RP1: variants seen among roughly 807,000 people sequenced by gnomAD.
The protein encoded by RP1 is RP1 axonemal microtubule associated.
A neutral mutation model predicts 14.8 loss-of-function variants in RP1; 16 were observed. The ratio of observed to expected loss-of-function variants is 1.08; its 90% CI spans 0.73 to 1.65. The LOEUF is 1.65. Among genes scored for constraint, RP1 ranks in the 40% most tolerant of loss-of-function variants. The probability of loss-of-function intolerance (pLI) is 0.00; values close to 1 mark genes in which losing one functional copy is unlikely to be tolerated. For synonymous variants in RP1, 876 were observed against 883.6 expected, an observed-to-expected ratio of 0.99 and a Z score of 0.15; for missense variants, 2,631 against 2,535.0, an observed-to-expected ratio of 1.04 and a Z score of -0.81.
At chr8:54,643,419 GC>G (rs1233706575) in intron 3 of RP1, among the ~76,000 whole-genome samples, 1 of 152,130 alleles carries the variant, frequency 6.6e-6, no homozygotes, top group East Asian at 1.9e-4. Flanking sequence ...AAATAAGCTT[GC>G]CTTTTTCTAG....
At chr8:54,716,413 A>G (rs1037487825) in intron 15 of RP1, among the ~76,000 whole-genome samples, 1 of 151,320 alleles carries the variant, frequency 6.6e-6, no homozygotes, top group Non-Finnish European at 1.5e-5. Context: ...ACAAAGACTT[A>G]AAAAAAAATC....
intron 15 of RP1, among the ~76,000 whole-genome samples, chr8:54,719,449 T>C (rs908137589): frequency 5.9e-5 from 9 of 152,214 alleles, no homozygotes; most frequent in Admixed American, 2.0e-4. Context: ...CTAGTTGCTA[T>C]TGGAAATTTT....
At chr8:54,712,934 G>A (rs1025351356) in intron 15 of RP1, among the ~76,000 whole-genome samples, 8 of 152,178 alleles carry the variant, frequency 5.3e-5, no homozygotes, top group East Asian at 1.9e-4. Context: ...CCTAGTTTGC[G>A]TATGTTTAGA....
At chr8:54,572,765 A>G (rs1321099903) in intron 1 of RP1, among the ~76,000 whole-genome samples, 1 of 152,178 alleles carries the variant, frequency 6.6e-6, no homozygotes, top group Non-Finnish European at 1.5e-5. Context: ...CACACAGGAC[A>G]TGGGACCTTT....
intron 17 of RP1, among the ~76,000 whole-genome samples, chr8:54,730,724 C>G (rs982136028): frequency 6.6e-6 from 1 of 151,960 alleles, no homozygotes; most frequent in Non-Finnish European, 1.5e-5. Flanking sequence ...GTTAGGATGC[C>G]TTTGATTATG....
intron 15 of RP1, among the ~76,000 whole-genome samples, chr8:54,715,899 G>A (rs1408865727): frequency 6.6e-6 from 1 of 152,186 alleles, no homozygotes; most frequent in African/African-American, 2.4e-5. Flanking sequence ...AACGTAAACA[G>A]ACAAATACGC....
chr8:54,604,351 T>G (rs1445776062), intron 1 of RP1, among the ~76,000 whole-genome samples: 2 of 152,124 alleles, frequency 1.3e-5, no homozygotes, highest in African/African-American at 4.8e-5. Flanking sequence ...TATTGATTTG[T>G]GTATGTTGAA....
chr8:54,629,252 T>C lies in RP1; in HGVS notation c.5370T>C (p.Asn1790=), dbSNP rs2129318150. ...SSEVPYSHFG[N]LAPGPTMDEL... ...AGGTACCATATTCACATTTTGGTAA[T>C]TTGGCCCCAGGCCCAACGATGGATG... is the stretch of plus-strand genomic sequence containing the variant. The change falls in exon 4 of 4, where the codon AAT becomes AAC. Residue 1790 remains asparagine (N), a synonymous_variant. Transcript: ENST00000220676. The C allele has an allele frequency of 6.2e-7, 1 of 1,613,968 alleles. No homozygotes were observed. Among genetic ancestry groups the C allele is most frequent in the Non-Finnish European group, 8.5e-7 (1 of 1,179,898 alleles).
At chr8:54,778,682 G>A (rs1366161533) in intron 23 of RP1, among the ~76,000 whole-genome samples, 2 of 152,104 alleles carry the variant, frequency 1.3e-5, no homozygotes, top group Non-Finnish European at 2.9e-5. Context: ...AGTGAGAGGA[G>A]AGAGGTGAAA....
rs148371378 is a variant in RP1, at chr8:54,853,925, GGA to G, written c.3990+1208_3990+1209del. On this transcript the variant is annotated intron_variant, in intron 26 of 28. Coordinates refer to the RP1 transcript ENST00000637698. ...GAAAGAAAGAGAAAAAAGAAAAAAG[GGA>G]GAGAGAGAGAAAGGAAGGAAGGAAG... Among the ~76,000 whole-genome samples, 478 of 140,890 alleles carry G rather than the reference GGA, an allele frequency of 3.4e-3. 1 individual carries two copies. Among genetic ancestry groups the G allele is most frequent in the Non-Finnish European group, 5.3e-3 (339 of 64,516 alleles). 92.4% of individuals were successfully genotyped at this position (140,890 alleles called of 152,430 possible).
At chr8:54,689,418 A>G (rs574253692) in intron 12 of RP1, among the ~76,000 whole-genome samples, 112 of 152,090 alleles carry the variant, frequency 7.4e-4, no homozygotes, top group Non-Finnish European at 1.0e-3. Flanking sequence ...GGGCCTGACA[A>G]TTTAAAGGGA....
chr8:54,830,808 A>G (rs1811501114), intron 24 of RP1, among the ~76,000 whole-genome samples: 1 of 152,102 alleles, frequency 6.6e-6, no homozygotes, highest in Non-Finnish European at 1.5e-5. Context: ...TAGTTCCAAA[A>G]CATTTTCATC....
chr8:54,631,761 AG>A, downstream of RP1, among the ~76,000 whole-genome samples: 1 of 152,110 alleles, frequency 6.6e-6, no homozygotes, highest in Non-Finnish European at 1.5e-5. Context: ...CAGCTTCTCA[AG>A]TAGGTGGGAC....
intron 1 of RP1, among the ~76,000 whole-genome samples, chr8:54,565,305 C>T (rs1261099176): frequency 6.6e-6 from 1 of 152,144 alleles, no homozygotes; most frequent in Non-Finnish European, 1.5e-5. Context: ...TGGCTCATGC[C>T]TGTAATCCCA....
intron 3 of RP1, among the ~76,000 whole-genome samples, chr8:54,644,716 T>C (rs985903393): frequency 6.6e-6 from 1 of 152,190 alleles, no homozygotes; most frequent in Non-Finnish European, 1.5e-5. Context: ...GGGACTGCTA[T>C]AAGAAAAGTA....
intron 15 of RP1, among the ~76,000 whole-genome samples, chr8:54,716,877 G>A (rs760672637): frequency 3.3e-5 from 5 of 152,188 alleles, no homozygotes; most frequent in Non-Finnish European, 5.9e-5. Context: ...GAGTGTGTAA[G>A]TTTCCTGGGA....
chr8:54,813,102 GA>G (rs752931040), intron 24 of RP1, among the ~76,000 whole-genome samples: 3 of 152,232 alleles, frequency 2.0e-5, no homozygotes, highest in East Asian at 3.8e-4. Flanking sequence ...ATACTTTGCA[GA>G]AAGTGAAGCC....
chr8:54,584,382 C>G (rs1804867568), intron 1 of RP1, among the ~76,000 whole-genome samples: 1 of 152,158 alleles, frequency 6.6e-6, no homozygotes, highest in Non-Finnish European at 1.5e-5. Flanking sequence ...GTTATAATTT[C>G]TGTTCTTTTG....
intron 15 of RP1, among the ~76,000 whole-genome samples, chr8:54,707,754 G>T (rs936858315): frequency 1.3e-5 from 2 of 152,320 alleles, no homozygotes; most frequent in East Asian, 3.9e-4. Flanking sequence ...GCAGACTGGT[G>T]AGTTTGTGTC....
Sources: allele counts gnomAD v4.1 joint callset (sites outside exome capture counted in the v4.1 genomes callset), GRCh38; gene constraint gnomAD v4.1.1; transcripts MANE v1.5; gene names NCBI Gene and HGNC (gene_info 2026-07-23, HGNC 2026-07-21).